The following SRGAP2 variants were observed in gnomAD, a reference collection of about 807,000 sequenced individuals.
SRGAP2 encodes SLIT-ROBO Rho GTPase-activating protein 2.
In SRGAP2, 15 loss-of-function variants were observed where a neutral mutation model predicts 57.2. The ratio of observed to expected loss-of-function variants is 0.26; its 90% confidence interval spans 0.18 to 0.40. SRGAP2 has a LOEUF of 0.40. SRGAP2 is among the 10% of genes least tolerant of loss of function. The probability of loss-of-function intolerance (pLI) is 1.00; values close to 1 mark genes in which losing one functional copy is unlikely to be tolerated. For missense variants in SRGAP2, 520 were observed against 669.6 expected (o/e 0.78, Z 2.47); for synonymous variants, 249 against 248.0 (o/e 1.00, Z -0.04).
intron 2 of SRGAP2, among the ~76,000 whole-genome samples, chr1:206,240,260 C>T (rs543775284): frequency 5.6e-5 from 6 of 107,400 alleles, no homozygotes; most frequent in Admixed American, 2.0e-4. Context: ...AGTGAGACAA[C>T]GTCTCAAAAA....
chr1:206,440,175 A>G, intron 17 of SRGAP2, 94 bp downstream of exon 17: 1 of 704,296 alleles, frequency 1.4e-6, no homozygotes, highest in Non-Finnish European at 2.6e-6. Context: ...CATCCCAACA[A>G]AATATTTATT....
intron 2 of SRGAP2, among the ~76,000 whole-genome samples, chr1:206,253,669 G>A (rs1448015669): frequency 1.4e-5 from 2 of 140,812 alleles, no homozygotes; most frequent in Non-Finnish European, 3.0e-5. Flanking sequence ...TCCGCCTCCC[G>A]GGTTCACGCC....
Position 206,419,393 on chromosome 1 carries a change from C to A in SRGAP2, c.1462C>A (p.Leu488Ile). The A allele has an allele frequency of 1.3e-6, 1 of 780,796 alleles. No individual in the cohort carries two copies. The highest frequency in any genetic ancestry group is 1.3e-5 in the South Asian group (1 of 74,590). 48.4% of individuals were successfully genotyped at this position (780,796 alleles called of 1,614,324 possible). A position where few individuals can be genotyped will look rare whatever the true frequency, so the allele number is the denominator to read the frequency against. Residue 488 changes from leucine to isoleucine, a missense_variant, in exon 12 of 23, where the codon CTA (leucine) becomes ATA (isoleucine). By Grantham distance (5) the Leu-to-Ile change is conservative. This residue lies in a region of SRGAP2 where 478 missense variants were observed against 373.6 expected (regional missense o/e 1.28). Transcript: ENST00000573034. ...AACAGGTCAGCGGACAGATTGCAGT[C>A]TAGCCAGGTGAGTGTGGCCTGGGAC... ...LGESQRTDCS[L>I]ARRSSTVRKQ... is the part of the protein sequence containing the mutation.
intron 2 of SRGAP2, among the ~76,000 whole-genome samples, chr1:206,251,791 G>A (rs1419630737): frequency 5.9e-5 from 5 of 85,304 alleles, no homozygotes; most frequent in Middle Eastern, 5.0e-3. Flanking sequence ...TGCAGCCTCC[G>A]CCTCCTGGAT....
intron 11 of SRGAP2, among the ~76,000 whole-genome samples, chr1:206,418,912 G>GTA (rs1660025871): frequency 6.6e-6 from 1 of 151,646 alleles, no homozygotes; most frequent in African/African-American, 2.4e-5. Flanking sequence ...GTGTGTGTGT[G>GTA]TGTGTGTGTG....
At chr1:206,255,369 A>G (rs1424103561) in intron 2 of SRGAP2, among the ~76,000 whole-genome samples, 3 of 142,384 alleles carry the variant, frequency 2.1e-5, no homozygotes, top group Non-Finnish European at 3.0e-5. Context: ...ATTGCAATTC[A>G]TGAGTCTCAG....
intron 3 of SRGAP2, among the ~76,000 whole-genome samples, chr1:206,339,130 GTTT>G: frequency 6.7e-6 from 1 of 149,860 alleles, no homozygotes; most frequent in Non-Finnish European, 1.5e-5. Flanking sequence ...AGATATTTTT[GTTT>G]TAAAGTTGAG....
intron 4 of SRGAP2, among the ~76,000 whole-genome samples, chr1:206,355,105 C>A (rs550365422): frequency 5.1e-4 from 77 of 152,242 alleles, no homozygotes; most frequent in African/African-American, 1.8e-3. Flanking sequence ...CTCAAAAAAT[C>A]TCTTTGACAA....
intron 2 of SRGAP2, among the ~76,000 whole-genome samples, chr1:206,279,574 C>A (rs1670610324): frequency 2.5e-5 from 2 of 79,196 alleles, no homozygotes; most frequent in Non-Finnish European, 4.5e-5. Flanking sequence ...CACCACCACA[C>A]CTGGCTATTT....
intron 5 of SRGAP2, among the ~76,000 whole-genome samples, chr1:206,391,755 G>A (rs1656996477): frequency 6.6e-6 from 1 of 151,640 alleles, no homozygotes; most frequent in Non-Finnish European, 1.5e-5. Context: ...TTCCCACAGA[G>A]TAGAGCAGGC....
Position 206,221,946 on chromosome 1 carries a change from CT to C in SRGAP2, c.67+15929del, listed in dbSNP as rs782815485. ...AACACAGGGCAGGATGATATCCGGC[CT>C]TTTTTTTTTTTTTTTTTTTAATATT... is the stretch of plus-strand genomic sequence containing the variant. On this transcript the variant is annotated intron_variant, in intron 2 of 22. Transcript: ENST00000573034. Among the ~76,000 whole-genome samples, 166 of 35,260 alleles carry C rather than the reference CT, an allele frequency of 4.7e-3. 1 individual carries two copies. The highest frequency in any genetic ancestry group is 6.9e-3 in the African/African-American group (36 of 5,196). 23.1% of individuals were successfully genotyped at this position (35,260 alleles called of 152,430 possible).
At position 206,360,105 on chromosome 1, in the gene SRGAP2, C is replaced by T. The variant is rs139833952; in HGVS notation, c.423+17097C>T. ...ACAGGCGTGAGCCACCGCGCCCGGC[C>T]GATATTGCTCTTTTATATAGGGTGG... On this transcript the variant is annotated intron_variant, in intron 4 of 22. Coordinates refer to ENST00000573034, the MANE Select transcript of SRGAP2 (RefSeq NM_015326.5). Among the ~76,000 whole-genome samples, 348 of 152,136 alleles carry T rather than the reference C, an allele frequency of 2.3e-3. 5 individuals carry two copies. In the South Asian group the frequency reaches 0.036, roughly 16 times the overall value.
At chr1:206,257,778 ATGATAT>A (rs1196516292) in intron 2 of SRGAP2, among the ~76,000 whole-genome samples, 1 of 130,416 alleles carries the variant, frequency 7.7e-6, no homozygotes, top group African/African-American at 2.8e-5. Context: ...CATGCAACAA[ATGATAT>A]TTTTTCAGAT....
chr1:206,370,227 C>T (rs1328370981), intron 4 of SRGAP2, among the ~76,000 whole-genome samples: 1 of 152,114 alleles, frequency 6.6e-6, no homozygotes, highest in Non-Finnish European at 1.5e-5. Context: ...GATCGCACCA[C>T]TGCACTCCAG....
At chr1:206,360,229 A>G (rs529268825) in intron 4 of SRGAP2, among the ~76,000 whole-genome samples, 94 of 149,640 alleles carry the variant, frequency 6.3e-4, no homozygotes, top group African/African-American at 2.3e-3. Context: ...TTTCAGGCAG[A>G]GATAATAGTG....
intron 3 of SRGAP2, among the ~76,000 whole-genome samples, chr1:206,318,878 C>T (rs539725666): frequency 1.5e-3 from 232 of 151,824 alleles, no homozygotes; most frequent in African/African-American, 5.5e-3. Flanking sequence ...CAGGCCCCAC[C>T]TCCAACATTT....
At chr1:206,374,019 CTTTTTTTTTTT>C (rs56021600) in intron 4 of SRGAP2, among the ~76,000 whole-genome samples, 2 of 77,012 alleles carry the variant, frequency 2.6e-5, no homozygotes, top group African/African-American at 5.6e-5. Context: ...GATACACATT[CTTTTTTTTTTT>C]TTTTTTTTTT....
Position 206,450,410 on chromosome 1 carries a change from C to T in SRGAP2, c.2124C>T (p.Thr708=). The T allele has an allele frequency of 9.0e-6, 7 of 780,858 alleles. 1 individual carries two copies. Among genetic ancestry groups the T allele is most frequent in the Non-Finnish European group, 1.7e-5 (7 of 417,980 alleles). The allele number at this position is 780,858 out of a possible 1,614,324, so 48.4% of individuals were successfully genotyped here. A position where few individuals can be genotyped will look rare whatever the true frequency, so the allele number is the denominator to read the frequency against. The change falls in exon 19 of 23, where the codon ACC becomes ACT. Residue 708 remains threonine (T), a synonymous_variant. Transcript: ENST00000573034. ...GTGATAGCCCTCATGGAGAGACTAC[C>T]TCGGTTGAAGACTCAACCCAGGATG... ...DYCDSPHGET[T]SVEDSTQDVT...
chr1:206,417,886 A>G (rs1163555348), intron 11 of SRGAP2, among the ~76,000 whole-genome samples: 3 of 151,874 alleles, frequency 2.0e-5, no homozygotes, highest in South Asian at 2.1e-4. Flanking sequence ...ACATCACTCC[A>G]TGGAGAATCA....
Sources: gnomAD v4.1 joint callset for allele counts (sites outside exome capture counted in the v4.1 genomes callset) on GRCh38, gnomAD v4.1.1 for gene constraint, gnomAD v4.1.1 regional missense constraint, MANE v1.5 for transcripts, NCBI Gene and HGNC (gene_info 2026-07-23, HGNC 2026-07-21) for gene names.